MEGF9: variants seen among roughly 807,000 people sequenced by gnomAD.
MEGF9 encodes the protein multiple EGF like domains 9.
In MEGF9, 6 loss-of-function variants were observed where a neutral mutation model predicts 46.8. The ratio of observed to expected loss-of-function variants is 0.13; its 90% CI spans 0.07 to 0.25. The LOEUF (loss-of-function observed/expected upper bound fraction) is 0.25, where lower values mean the gene tolerates loss of function less well. Ranked by LOEUF, MEGF9 falls within the 10% of genes least tolerant of loss-of-function variation. MEGF9 has a pLI of 1.00. For missense variants in MEGF9, 683 were observed against 792.4 expected (o/e 0.86, Z 1.66); for synonymous variants, 302 against 330.7 (o/e 0.91, Z 0.94).
chr9:120,625,833 CAA>C (rs763605820), intron 2 of MEGF9, among the ~76,000 whole-genome samples: 7 of 113,136 alleles, frequency 6.2e-5, no homozygotes, highest in Admixed American at 9.5e-5. Context: ...CTCTGTCTCA[CAA>C]AAAAAAAAAA....
intron 2 of MEGF9, among the ~76,000 whole-genome samples, chr9:120,648,307 A>G (rs1410959018): frequency 1.3e-5 from 2 of 151,446 alleles, no homozygotes; most frequent in East Asian, 1.9e-4. Flanking sequence ...CTGAATATCT[A>G]GTATGTGCCA....
At chr9:120,617,883 G>T (rs1357056648) in intron 3 of MEGF9, among the ~76,000 whole-genome samples, 1 of 152,204 alleles carries the variant, frequency 6.6e-6, no homozygotes, top group Non-Finnish European at 1.5e-5. Flanking sequence ...GATATTTGCA[G>T]TAATAAAAAG....
chr9:120,613,948 A>T (rs368452761), intron 3 of MEGF9, among the ~76,000 whole-genome samples: 270 of 152,336 alleles, frequency 1.8e-3, no homozygotes, highest in African/African-American at 6.3e-3. Flanking sequence ...AAATGGTCTC[A>T]CAACTGAAGC....
intron 2 of MEGF9, among the ~76,000 whole-genome samples, chr9:120,627,033 T>C (rs2043528316): frequency 6.6e-6 from 1 of 152,216 alleles, no homozygotes; most frequent in African/African-American, 2.4e-5. Context: ...TACTTACTTT[T>C]AAAATTTAAA....
intron 1 of MEGF9, among the ~76,000 whole-genome samples, chr9:120,676,579 T>C (rs1212388982): frequency 2.0e-5 from 3 of 152,202 alleles, no homozygotes; most frequent in Non-Finnish European, 4.4e-5. Context: ...CTTGATTTTC[T>C]TGAGTAAGAT....
At position 120,713,898 on chromosome 9, in the gene MEGF9, G is replaced by A; in HGVS notation, c.461C>T (p.Pro154Leu). 7.5e-7 allele frequency: 1 copy of A among 1,330,836 alleles called. No homozygotes were observed. The allele number at this position is 1,330,836 out of a possible 1,614,324, so 82.4% of individuals were successfully genotyped here. The change falls in exon 1 of 6, where the codon CCG becomes CTG. Residue 154 changes from proline to leucine, a missense_variant. By Grantham distance (98) the Pro-to-Leu change is moderately conservative. Around this residue, in one of 2 missense-constraint regions of MEGF9, gnomAD observed 370 missense variants for 371.3 expected, o/e 1.00. Coordinates refer to ENST00000373930, the MANE Select transcript of MEGF9 (RefSeq NM_001080497.3). Reference sequence around the variant, plus strand: ...GGTCGCTACAGGGGTGGTCGGCGCCGGGCCAGTGGTCGTCGAAAGGGTGGT... The same window carrying A: ...GGTCGCTACAGGGGTGGTCGGCGCCAGGCCAGTGGTCGTCGAAAGGGTGGT... ...APTTLSTTTG[P>L]APTTPVATTV...
At chr9:120,684,335 T>C (rs2043811925) in intron 1 of MEGF9, among the ~76,000 whole-genome samples, 1 of 152,256 alleles carries the variant, frequency 6.6e-6, no homozygotes, top group Admixed American at 6.5e-5. Flanking sequence ...TGCAGTTGTC[T>C]ACAGTGCTAG....
intron 1 of MEGF9, among the ~76,000 whole-genome samples, chr9:120,695,688 T>A (rs1017066780): frequency 5.3e-5 from 8 of 151,924 alleles, no homozygotes; most frequent in African/African-American, 1.9e-4. Flanking sequence ...TAAGGATGTT[T>A]TTAAAGGACA....
At chr9:120,640,748 T>C (rs2043598447) in intron 2 of MEGF9, among the ~76,000 whole-genome samples, 1 of 152,184 alleles carries the variant, frequency 6.6e-6, no homozygotes, top group South Asian at 2.1e-4. Context: ...AGGGGCTACA[T>C]ATGCAGGTTG....
rs759353308 is a variant in MEGF9, at chr9:120,659,483, C to T, written c.694G>A (p.Gly232Arg). The T allele has an allele frequency of 2.1e-5, 34 of 1,613,642 alleles. No homozygotes were observed. The highest frequency in any genetic ancestry group is 2.7e-5 in the Non-Finnish European group (32 of 1,179,848). Reference protein sequence around the residue: ...GQCECRPGYQGLHCETCKEGF... With the variant: ...GQCECRPGYQRLHCETCKEGF... ...TCTTTGCAGGTTTCACAGTGAAGCC[C>T]CTGATAACCTGGCCGACACTCACAC... Residue 232 changes from glycine (G) to arginine (R), a missense_variant, in exon 2 of 6, where the codon GGG becomes AGG. Physicochemically the swap from Gly to Arg is moderately radical, Grantham distance 125. Around this residue, in one of 2 missense-constraint regions of MEGF9, gnomAD observed 370 missense variants for 371.3 expected, o/e 1.00. Transcript: ENST00000373930.
chr9:120,626,993 C>T (rs1245979911), intron 2 of MEGF9, among the ~76,000 whole-genome samples: 5 of 151,932 alleles, frequency 3.3e-5, no homozygotes, highest in African/African-American at 1.2e-4. Context: ...GGTTAGAATT[C>T]CCAGTTGGCA....
Position 120,714,355 on chromosome 9 carries a change from T to C in MEGF9, c.4A>G (p.Asn2Asp). The change falls in exon 1 of 6, where the codon AAT becomes GAT. Residue 2 changes from asparagine (N) to aspartate (D), a missense_variant. Physicochemically the swap from Asn to Asp is conservative, Grantham distance 23. Coordinates refer to ENST00000373930, the MANE Select transcript of MEGF9 (RefSeq NM_001080497.3). Reference sequence around the variant, plus strand: ...CTCATGGCGCGCTCGGCTCCGCCATTCATTCATTCAGCCAGTCGGTTGGTC... The same window carrying C: ...CTCATGGCGCGCTCGGCTCCGCCATCCATTCATTCAGCCAGTCGGTTGGTC... MNGGAERAMRSL... is the reference protein window; with the variant it reads MDGGAERAMRSL... 1 of 1,325,428 alleles carries C rather than the reference T, an allele frequency of 7.5e-7. No individual in the cohort carries two copies. Among genetic ancestry groups the C allele is most frequent in the Admixed American group, 3.4e-5 (1 of 29,674 alleles). The allele number at this position is 1,325,428 out of a possible 1,614,324, so 82.1% of individuals were successfully genotyped here.
At chr9:120,650,903 G>A (rs2043646658) in intron 2 of MEGF9, among the ~76,000 whole-genome samples, 2 of 151,832 alleles carry the variant, frequency 1.3e-5, no homozygotes, top group South Asian at 4.1e-4. Context: ...CCTATGGAAA[G>A]CCTTTCCTAT....
intron 2 of MEGF9, among the ~76,000 whole-genome samples, chr9:120,656,017 T>C (rs537905108): frequency 4.6e-5 from 7 of 152,310 alleles, no homozygotes; most frequent in Admixed American, 2.0e-4. Context: ...CACACTGAAT[T>C]GAGAGATAAT....
At chr9:120,699,374 AT>A (rs1241723608) in intron 1 of MEGF9, among the ~76,000 whole-genome samples, 1 of 151,926 alleles carries the variant, frequency 6.6e-6, no homozygotes, top group Non-Finnish European at 1.5e-5. Context: ...TCTATTTTTC[AT>A]TTTCTACAAT....
intron 1 of MEGF9, among the ~76,000 whole-genome samples, chr9:120,681,019 G>T (rs2043796662): frequency 6.6e-6 from 1 of 152,130 alleles, no homozygotes; most frequent in South Asian, 2.1e-4. Flanking sequence ...CCCATTTATT[G>T]CTCTATCCTA....
At chr9:120,634,288 A>G (rs1321178173) in intron 2 of MEGF9, among the ~76,000 whole-genome samples, 1 of 152,012 alleles carries the variant, frequency 6.6e-6, no homozygotes, top group Non-Finnish European at 1.5e-5. Context: ...GGGTGCATAT[A>G]TATTTACAAT....
chr9:120,653,406 C>G (rs1486270254), intron 2 of MEGF9, among the ~76,000 whole-genome samples: 4 of 149,436 alleles, frequency 2.7e-5, no homozygotes, highest in Non-Finnish European at 5.9e-5. Context: ...GGGTCTCACT[C>G]TGTTGCCCAG....
At chr9:120,655,867 G>T (rs1402332737) in intron 2 of MEGF9, among the ~76,000 whole-genome samples, 1 of 152,166 alleles carries the variant, frequency 6.6e-6, no homozygotes, top group Admixed American at 6.6e-5. Flanking sequence ...TCAAATTGTT[G>T]ACATGTGATT....
Sources: gnomAD v4.1 joint callset for allele counts (sites outside exome capture counted in the v4.1 genomes callset) on GRCh38, gnomAD v4.1.1 for gene constraint, gnomAD v4.1.1 regional missense constraint, MANE v1.5 for transcripts, NCBI Gene and HGNC (gene_info 2026-07-23, HGNC 2026-07-21) for gene names.